Variants in GALP observed in about 807,000 individuals in gnomAD.
GALP encodes the protein galanin-like peptide.
Under a neutral mutation model 15.2 loss-of-function variants are expected in GALP, and 12 were observed. The ratio of observed to expected loss-of-function variants is 0.79; its 90% confidence interval spans 0.51 to 1.28. The LOEUF is 1.28. Ranked by LOEUF, GALP falls within the 50% of genes most tolerant of loss-of-function variation. The probability of loss-of-function intolerance (pLI) is 0.00; values close to 1 mark genes in which losing one functional copy is unlikely to be tolerated. For missense variants in GALP, 161 were observed against 145.6 expected, an observed-to-expected ratio of 1.11 and a Z score of -0.55; for synonymous variants, 58 against 55.1, an observed-to-expected ratio of 1.05 and a Z score of -0.23.
At chr19:56,181,395 CTT>C (rs10656072) in intron 3 of GALP, among the ~76,000 whole-genome samples, 30 of 81,312 alleles carry the variant, frequency 3.7e-4, no homozygotes, top group African/African-American at 1.6e-3. Context: ...TCTCTCTCTC[CTT>C]TTTTTTTTTT....
At position 56,177,223 on chromosome 19, in the gene GALP, C is replaced by T. The variant is rs373781330; in HGVS notation, c.87+28C>T. The T allele has an allele frequency of 2.6e-6, 4 of 1,565,808 alleles. No homozygotes were observed. In the African/African-American group the frequency reaches 5.4e-5, roughly 21 times the overall value. ...AACGCCTCCCTAAGTTCCTCGGAAACAACAGTGTCCCCAAATCCCTGCCCT... is the reference window on the plus strand; with the variant it reads ...AACGCCTCCCTAAGTTCCTCGGAAATAACAGTGTCCCCAAATCCCTGCCCT... On this transcript the variant is annotated intron_variant, in intron 2 of 5. Coordinates refer to ENST00000357330, the MANE Select transcript of GALP (RefSeq NM_033106.4).
intron 3 of GALP, among the ~76,000 whole-genome samples, 169 bp downstream of exon 3, chr19:56,180,803 C>T (rs1599929269): frequency 6.6e-6 from 1 of 151,778 alleles, no homozygotes; most frequent in African/African-American, 2.4e-5. Flanking sequence ...GGTGTGTGGA[C>T]TCTGGAGCCA....
rs754077425 is a variant in GALP, at chr19:56,177,133, GTCC to G, written c.34_36del (p.Leu12del). On this transcript the variant is annotated inframe_deletion, in exon 2 of 6. Coordinates refer to ENST00000357330, the MANE Select transcript of GALP (RefSeq NM_033106.4). ...GATGGCTCCTCCCTCCGTCCCCCTG[GTCC>G]TCCTCCTCGTCCTCTTGCTGAGCCT... The G allele has an allele frequency of 1.7e-5, 27 of 1,613,302 alleles. No individual in the cohort carries two copies. The highest frequency in any genetic ancestry group is 2.3e-5 in the Non-Finnish European group (27 of 1,179,836).
chr19:56,180,574 A>G lies in GALP; in HGVS notation c.88-12A>G. Reference sequence around the variant, plus strand: ...TGTCTGCTTGAGTCTTGATTTCTGCATCTCTATCCAGGGACGAGGAGGCTG... The same window carrying G: ...TGTCTGCTTGAGTCTTGATTTCTGCGTCTCTATCCAGGGACGAGGAGGCTG... On this transcript the variant is annotated splice_polypyrimidine_tract_variant and intron_variant, in intron 2 of 5. Transcript: ENST00000357330. 2 of 1,613,266 alleles carry G rather than the reference A, an allele frequency of 1.2e-6. No individual in the cohort carries two copies. The highest frequency in any genetic ancestry group is 1.7e-5 in the Admixed American group (1 of 59,996).
In GALP at chr19:56,180,646, T is replaced by G; in HGVS notation, c.136+12T>G. ...CCTTCTGGGTCCCGGTGAGTGAGGC[T>G]GCGCTCAGCTCTCCATCCCTGGCCC... On this transcript the variant is annotated intron_variant, in intron 3 of 5. Transcript: ENST00000357330. 1 of 1,610,586 alleles carries G rather than the reference T, an allele frequency of 6.2e-7. No individual in the cohort carries two copies. Among genetic ancestry groups the G allele is most frequent in the South Asian group, 1.1e-5 (1 of 91,010 alleles).
chr19:56,177,156 G>C lies in GALP; in HGVS notation c.48G>C (p.Leu16=), dbSNP rs778263756. The change falls in exon 2 of 6, where the codon CTG becomes CTC. Residue 16 remains leucine (L), a synonymous_variant. Transcript: ENST00000357330. ...VPLVLLLVLL[L]SLAETPASAP... ...TGGTCCTCCTCCTCGTCCTCTTGCT[G>C]AGCCTGGCAGAGACTCCAGCATCCG... 6.2e-7 allele frequency: 1 copy of C among 1,613,640 alleles called. No homozygotes were observed. Among genetic ancestry groups the C allele is most frequent in the Non-Finnish European group, 8.5e-7 (1 of 1,179,896 alleles).
chr19:56,178,376 T>C (rs2032501863), intron 2 of GALP, among the ~76,000 whole-genome samples: 1 of 151,750 alleles, frequency 6.6e-6, no homozygotes, highest in African/African-American at 2.4e-5. Flanking sequence ...GGCATGAGAA[T>C]TGCTTGAACC....
intron 3 of GALP, among the ~76,000 whole-genome samples, chr19:56,181,629 A>C (rs147975681): frequency 6.6e-6 from 1 of 151,588 alleles, no homozygotes; most frequent in African/African-American, 2.4e-5. Flanking sequence ...ACTGGTCTTG[A>C]ACTCCCAACC....
intron 2 of GALP, 137 bp from the exon 3 acceptor site, chr19:56,180,449 G>T: frequency 1.5e-6 from 1 of 671,266 alleles, no homozygotes; most frequent in Admixed American, 2.4e-5. Context: ...TTTCCTCATC[G>T]GTGCAATGGG....
intron 1 of GALP, among the ~76,000 whole-genome samples, 157 bp from the exon 2 acceptor site, chr19:56,176,913 G>T (rs1453295750): frequency 7.7e-6 from 1 of 129,810 alleles, no homozygotes; most frequent in Admixed American, 9.0e-5. Context: ...TTAATTGCTT[G>T]CACACGTCCA....
chr19:56,185,609 A>T lies in GALP; in HGVS notation c.*339A>T. 1 of 196,378 alleles carries T rather than the reference A, an allele frequency of 5.1e-6. No individual in the cohort carries two copies. The highest frequency in any genetic ancestry group is 1.0e-5 in the Non-Finnish European group (1 of 97,574). The allele number at this position is 196,378 out of a possible 1,614,324, so 12.2% of individuals were successfully genotyped here. On this transcript the variant is annotated 3_prime_UTR_variant, in exon 6 of 6. Coordinates refer to ENST00000357330, the MANE Select transcript of GALP (RefSeq NM_033106.4). The stretch of plus-strand genomic sequence containing the variant: ...CCAATTATAACACGAGCTATTGCAT[A>T]ATACAAATAACCCTCTTAAGTCTGA...
rs1174916360 is a variant in GALP at position 56,180,620 on chromosome 19, A to T, written c.122A>T (p.Tyr41Phe). The T allele has an allele frequency of 6.2e-7, 1 of 1,613,536 alleles. No individual in the cohort carries two copies. ...RGGWTLNSAG[Y>F]LLGPVLHLPQ... Reference sequence around the variant, plus strand: ...GGCTGGACCCTCAATAGTGCTGGCTACCTTCTGGGTCCCGGTGAGTGAGGC... The same window carrying T: ...GGCTGGACCCTCAATAGTGCTGGCTTCCTTCTGGGTCCCGGTGAGTGAGGC... The change falls in exon 3 of 6, where the codon TAC becomes TTC. Residue 41 changes from tyrosine (Y) to phenylalanine (F), a missense_variant. By Grantham distance (22) the Tyr-to-Phe change is conservative. Transcript: ENST00000357330.
chr19:56,180,053 A>C (rs1050085180), intron 2 of GALP, among the ~76,000 whole-genome samples: 10 of 152,130 alleles, frequency 6.6e-5, no homozygotes, highest in Non-Finnish European at 1.2e-4. Context: ...CTGAGATTAC[A>C]GGCGAGAGCC....
At chr19:56,178,054 A>C (rs1336805186) in intron 2 of GALP, among the ~76,000 whole-genome samples, 3 of 152,106 alleles carry the variant, frequency 2.0e-5, no homozygotes, top group African/African-American at 7.2e-5. Flanking sequence ...AAAGCTAAGC[A>C]CATGACGTAA....
At chr19:56,183,743 A>C (rs183496038) in intron 5 of GALP, among the ~76,000 whole-genome samples, 3 of 150,762 alleles carry the variant, frequency 2.0e-5, no homozygotes, top group Non-Finnish European at 4.4e-5. Context: ...GATTACAGGC[A>C]CGCGCCACCA....
At chr19:56,184,552 C>T (rs28519539) in intron 5 of GALP, among the ~76,000 whole-genome samples, 1,557 of 139,668 alleles carry the variant, frequency 0.011, 23 homozygotes, top group African/African-American at 0.039. Context: ...GGCGCGATCT[C>T]GGCTCACTGC....
chr19:56,182,916 TTG>T (rs758943176), intron 4 of GALP, among the ~76,000 whole-genome samples: 2 of 152,102 alleles, frequency 1.3e-5, no homozygotes, highest in Non-Finnish European at 2.9e-5. Context: ...ATAGGAAAAC[TTG>T]TGTCACGGGC....
chr19:56,178,518 C>CAA (rs1327459817), intron 2 of GALP, among the ~76,000 whole-genome samples: 1 of 57,398 alleles, frequency 1.7e-5, no homozygotes, highest in Non-Finnish European at 3.2e-5. Context: ...CTAACAACAA[C>CAA]AACAAAAAAA....
In GALP at chr19:56,179,690, C is replaced by T. The variant is rs140928112; in HGVS notation, c.88-896C>T. Among the ~76,000 whole-genome samples the T allele has an allele frequency of 4.1e-3, 617 of 150,028 alleles. 4 individuals carry two copies. The highest frequency in any genetic ancestry group is 0.014 in the African/African-American group (573 of 40,666). On this transcript the variant is annotated intron_variant, in intron 2 of 5. Transcript: ENST00000357330. Reference sequence around the variant, plus strand: ...ACAGAGTCTCGCTCTGTCACCCAGGCTGGAGTGCAGGGATGAGATCATAGC... The same window carrying T: ...ACAGAGTCTCGCTCTGTCACCCAGGTTGGAGTGCAGGGATGAGATCATAGC...
Sources: allele counts gnomAD v4.1 joint callset (sites outside exome capture counted in the v4.1 genomes callset), GRCh38; gene constraint gnomAD v4.1.1; transcripts MANE v1.5; gene names NCBI Gene and HGNC (gene_info 2026-07-23, HGNC 2026-07-21).